The following STXBP5L variants were observed in gnomAD, a reference collection of about 807,000 sequenced individuals.
STXBP5L encodes the protein syntaxin binding protein 5L, also known as syntaxin-binding protein 5-like.
STXBP5L carries 65 observed loss-of-function variants against 144.5 expected under a neutral mutation model. The ratio of observed to expected loss-of-function variants is 0.45; its 90% CI spans 0.37 to 0.55. The LOEUF (loss-of-function observed/expected upper bound fraction) is 0.55. Ranked by LOEUF, STXBP5L falls within the 20% of genes least tolerant of loss-of-function variation. The pLI is 0.00. For missense variants in STXBP5L, 1,298 were observed against 1,405.5 expected (o/e 0.92, Z 1.22); for synonymous variants, 505 against 469.6 (o/e 1.08, Z -0.97).
At chr3:121,394,495 G>A (rs557420265) in intron 22 of STXBP5L, among the ~76,000 whole-genome samples, 83 of 151,892 alleles carry the variant, frequency 5.5e-4, no homozygotes, top group Middle Eastern at 3.4e-3. Context: ...GTTTTTAGAG[G>A]GAATGCTTTC....
At chr3:121,044,546 G>A (rs1003741140) in intron 4 of STXBP5L, among the ~76,000 whole-genome samples, 5 of 152,222 alleles carry the variant, frequency 3.3e-5, no homozygotes, top group Admixed American at 3.3e-4. Context: ...GGACAACCAA[G>A]GTTCTGAAAG....
At chr3:120,919,796 T>C (rs1022738647) in intron 2 of STXBP5L, among the ~76,000 whole-genome samples, 1 of 151,968 alleles carries the variant, frequency 6.6e-6, no homozygotes, top group African/African-American at 2.4e-5. Context: ...CTGTGAACCA[T>C]TTATATTTTA....
At chr3:121,111,640 G>A (rs1307452808) in intron 5 of STXBP5L, among the ~76,000 whole-genome samples, 1 of 152,136 alleles carries the variant, frequency 6.6e-6, no homozygotes, top group Non-Finnish European at 1.5e-5. Flanking sequence ...CCTTATTCCA[G>A]CAGGAATGGT....
At chr3:121,362,495 TCCACCCCATAGCCGCCA>T (rs2045740884) in intron 20 of STXBP5L, among the ~76,000 whole-genome samples, 1 of 152,080 alleles carries the variant, frequency 6.6e-6, no homozygotes, top group African/African-American at 2.4e-5. Context: ...GCAGAGGAGC[TCCACCCCATAGCCGCCA>T]CCACCCCAGG....
At chr3:121,394,402 G>A (rs958270381) in intron 22 of STXBP5L, among the ~76,000 whole-genome samples, 1 of 56,076 alleles carries the variant, frequency 1.8e-5, no homozygotes, top group Non-Finnish European at 3.4e-5. Context: ...CAATTTGAAT[G>A]CCTTTTTTTT....
chr3:121,161,141 A>G (rs937538916), intron 9 of STXBP5L, among the ~76,000 whole-genome samples: 1 of 151,768 alleles, frequency 6.6e-6, no homozygotes, highest in Admixed American at 6.6e-5. Flanking sequence ...GTTCCTGAAG[A>G]TACAAGAACA....
At chr3:121,185,658 T>A (rs1347018251) in intron 9 of STXBP5L, among the ~76,000 whole-genome samples, 2 of 152,208 alleles carry the variant, frequency 1.3e-5, no homozygotes, top group East Asian at 3.8e-4. Flanking sequence ...TTGGTGTATA[T>A]CTCTGTTTTG....
At chr3:121,062,396 C>G (rs888781642) in intron 5 of STXBP5L, among the ~76,000 whole-genome samples, 2 of 152,124 alleles carry the variant, frequency 1.3e-5, no homozygotes, top group Non-Finnish European at 2.9e-5. Flanking sequence ...TGTGGCTAAC[C>G]TGACCTTTCT....
At chr3:120,972,508 T>A (rs1289055487) in intron 3 of STXBP5L, among the ~76,000 whole-genome samples, 1 of 152,136 alleles carries the variant, frequency 6.6e-6, no homozygotes, top group Non-Finnish European at 1.5e-5. Flanking sequence ...GAATATGTCA[T>A]CAGTGAACAG....
chr3:120,927,093 A>T (rs1419288828), intron 2 of STXBP5L, among the ~76,000 whole-genome samples: 2 of 151,916 alleles, frequency 1.3e-5, no homozygotes, highest in Non-Finnish European at 2.9e-5. Flanking sequence ...ATGCCACCAC[A>T]ACTGGCAAAT....
Position 121,233,609 on chromosome 3 carries a change from C to T in STXBP5L, c.1112-7C>T. 15 of 1,603,282 alleles carry T rather than the reference C, an allele frequency of 9.4e-6. No individual in the cohort carries two copies. The highest frequency in any genetic ancestry group is 1.2e-5 in the Non-Finnish European group (14 of 1,175,126). Reference sequence around the variant, plus strand: ...GAAAACTTTTCATTTTTTATTTTTACTTGTAGAATTTCAAGAACCCTATGC... The same window carrying T: ...GAAAACTTTTCATTTTTTATTTTTATTTGTAGAATTTCAAGAACCCTATGC... On this transcript the variant is annotated splice_region_variant and splice_polypyrimidine_tract_variant and intron_variant, in intron 11 of 26. Coordinates refer to ENST00000471454, the MANE Select transcript of STXBP5L (RefSeq NM_001308330.2).
chr3:121,200,292 G>C (rs189218446), intron 9 of STXBP5L, among the ~76,000 whole-genome samples: 1 of 152,164 alleles, frequency 6.6e-6, no homozygotes, highest in Non-Finnish European at 1.5e-5. Context: ...AGTATTCTCT[G>C]ATGGTAGTTT....
chr3:121,291,934 C>G (rs2051454627), intron 19 of STXBP5L, among the ~76,000 whole-genome samples: 1 of 152,244 alleles, frequency 6.6e-6, no homozygotes, highest in Non-Finnish European at 1.5e-5. Flanking sequence ...AAATCTAAGA[C>G]CTGAAACCAT....
At chr3:121,157,147 G>T (rs1281094657) in intron 8 of STXBP5L, among the ~76,000 whole-genome samples, 3 of 152,126 alleles carry the variant, frequency 2.0e-5, no homozygotes, top group Admixed American at 6.6e-5. Flanking sequence ...TCTGTGACTT[G>T]AGCAAGTATC....
chr3:120,942,542 CT>C (rs1437809308), intron 2 of STXBP5L, among the ~76,000 whole-genome samples: 1 of 151,348 alleles, frequency 6.6e-6, no homozygotes, highest in Non-Finnish European at 1.5e-5. Context: ...ATTTAACAGA[CT>C]TCAAATTTAC....
chr3:121,337,308 C>T (rs2044540956), intron 20 of STXBP5L, among the ~76,000 whole-genome samples: 1 of 151,932 alleles, frequency 6.6e-6, no homozygotes, highest in Admixed American at 6.6e-5. Flanking sequence ...TCAAGAGACT[C>T]ATCTAATGCA....
chr3:121,383,939 T>C (rs916900077), intron 22 of STXBP5L, among the ~76,000 whole-genome samples: 1 of 152,174 alleles, frequency 6.6e-6, no homozygotes, highest in African/African-American at 2.4e-5. Context: ...ATTTAGCACT[T>C]GTCCATTGTC....
intron 20 of STXBP5L, among the ~76,000 whole-genome samples, chr3:121,370,210 CAAAAAA>C (rs1022763316): frequency 1.3e-5 from 2 of 151,710 alleles, no homozygotes; most frequent in Non-Finnish European, 2.9e-5. Context: ...ACTAAAAATA[CAAAAAA>C]AATTAGCCAG....
At chr3:121,266,148 T>TA (rs1489093402) in intron 18 of STXBP5L, among the ~76,000 whole-genome samples, 2 of 152,140 alleles carry the variant, frequency 1.3e-5, no homozygotes, top group African/African-American at 4.8e-5. Context: ...ATCACCCTGA[T>TA]ACCAAAACCT....
Sources: allele counts gnomAD v4.1 joint callset (sites outside exome capture counted in the v4.1 genomes callset), GRCh38; gene constraint gnomAD v4.1.1; transcripts MANE v1.5; gene names NCBI Gene and HGNC (gene_info 2026-07-23, HGNC 2026-07-21).